MFSD2B: variants seen among roughly 807,000 people sequenced by gnomAD.
MFSD2B encodes sphingosine-1-phosphate transporter MFSD2B.
MFSD2B carries 56 observed loss-of-function variants against 58.4 expected under a neutral mutation model. That is an observed-to-expected ratio of 0.96 (90% CI 0.77 to 1.20). The LOEUF is 1.20. MFSD2B is among the 50% of genes most tolerant of loss of function. The pLI is 0.00. For synonymous variants in MFSD2B, 287 were observed against 294.4 expected, an observed-to-expected ratio of 0.97 and a Z score of 0.26; for missense variants, 645 against 667.6, an observed-to-expected ratio of 0.97 and a Z score of 0.37.
chr2:24,021,513 T>G lies in MFSD2B; in HGVS notation c.682-135T>G. ...GCTGTCCTGTGGGGTGATTGGGAGGTGGGGACCCAGCGTCCTGGGCTTGGG... is the reference window on the plus strand; with the variant it reads ...GCTGTCCTGTGGGGTGATTGGGAGGGGGGGACCCAGCGTCCTGGGCTTGGG... On this transcript the variant is annotated intron_variant, in intron 6 of 13. Transcript: ENST00000338315. The surrounding 1 kb of genome is among the most constrained non-coding windows in gnomAD (Gnocchi z 5.7). 1.4e-6 allele frequency: 1 copy of G among 730,682 alleles called. No homozygotes were observed. 45.3% of individuals were successfully genotyped at this position (730,682 alleles called of 1,614,324 possible). A position where few individuals can be genotyped will look rare whatever the true frequency, so the allele number is the denominator to read the frequency against.
rs1279034581 is a variant in MFSD2B at position 24,017,643 on chromosome 2, C to A, written c.681+55C>A. On this transcript the variant is annotated intron_variant, in intron 6 of 13. Transcript: ENST00000338315. This position sits in a 1 kb window ranked among gnomAD's most constrained non-coding sequence, Gnocchi z 4.8. Reference sequence around the variant, plus strand: ...ACCTGGGGTCCCCTCTGCAGGGTCACCTCCTTCCTCTAGGGCTGGTTCTCC... The same window carrying A: ...ACCTGGGGTCCCCTCTGCAGGGTCAACTCCTTCCTCTAGGGCTGGTTCTCC... The A allele has an allele frequency of 3.3e-6, 5 of 1,495,990 alleles. No individual in the cohort carries two copies. The highest frequency in any genetic ancestry group is 1.4e-5 in the African/African-American group (1 of 71,822). 92.7% of individuals were successfully genotyped at this position (1,495,990 alleles called of 1,614,324 possible).
In MFSD2B at chr2:24,021,883, T is replaced by C. The variant is rs745343369; in HGVS notation, c.807T>C (p.Ser269=). Residue 269 remains serine (S), a synonymous_variant, in exon 8 of 14, where the codon AGT becomes AGC. Transcript: ENST00000338315. This position sits in a 1 kb window ranked among gnomAD's most constrained non-coding sequence, Gnocchi z 5.7. ...CCCCAGCCTCAGGCCCAGGCTTGAG[T>C]TTCCTGGCTGGGCTGAGCCTCACTA... ...PSAPASGPGL[S]FLAGLSLTTR... The C allele has an allele frequency of 1.2e-6, 2 of 1,613,888 alleles. No individual in the cohort carries two copies.
In MFSD2B at chr2:24,012,651, G is replaced by C. The variant is rs1241200583; in HGVS notation, c.97-634G>C. On this transcript the variant is annotated intron_variant, in intron 1 of 13. Coordinates refer to ENST00000338315, the MANE Select transcript of MFSD2B (RefSeq NM_001346880.2). The surrounding 1 kb of genome is among the most constrained non-coding windows in gnomAD (Gnocchi z 4.5). Reference sequence around the variant, plus strand: ...ACTGATAGACAAGAACTGGAAAGAAGAATAGATGACTCCTAAGTTTGTGGC... The same window carrying C: ...ACTGATAGACAAGAACTGGAAAGAACAATAGATGACTCCTAAGTTTGTGGC... Among the ~76,000 whole-genome samples the C allele has an allele frequency of 6.6e-6, 1 of 152,216 alleles. No homozygotes were observed. The highest frequency in any genetic ancestry group is 1.5e-5 in the Non-Finnish European group (1 of 68,044).
At chr2:24,015,982 C>T (rs576604994) in intron 2 of MFSD2B, among the ~76,000 whole-genome samples, 174 bp from the exon 3 acceptor site, 1 of 152,324 alleles carries the variant, frequency 6.6e-6, no homozygotes, top group South Asian at 2.1e-4. Flanking sequence ...CAGCTCCCTC[C>T]CCTGGACTCA....
At chr2:24,025,320 G>T (rs1662943277) in intron 13 of MFSD2B, 112 bp from the exon 14 acceptor site, 9 of 882,800 alleles carry the variant, frequency 1.0e-5, no homozygotes, top group Non-Finnish European at 1.6e-5. Flanking sequence ...AGTTGAAGAG[G>T]AGTTGCTGGG....
rs947333451 is a variant in MFSD2B at position 24,022,180 on chromosome 2, C to T, written c.894+210C>T. Among the ~76,000 whole-genome samples the T allele has an allele frequency of 2.6e-5, 4 of 152,106 alleles. No homozygotes were observed. The highest frequency in any genetic ancestry group is 4.8e-5 in the African/African-American group (2 of 41,418). ...CACTAGGAGGCTGACAATGTCTGGG[C>T]GGTTTCCTCTCACATTACCTGAAGT... On this transcript the variant is annotated intron_variant, in intron 8 of 13. Coordinates refer to ENST00000338315, the MANE Select transcript of MFSD2B (RefSeq NM_001346880.2). This position sits in a 1 kb window ranked among gnomAD's most constrained non-coding sequence, Gnocchi z 4.5.
In MFSD2B at chr2:24,017,369, G is replaced by T; in HGVS notation, c.550+5G>T. ...GGGACTCGGCCACCGCCTACCGTGA[G>T]TGCAGCCGTGGGTTTCGGGTTCCAG... is the stretch of plus-strand genomic sequence containing the variant. On this transcript the variant is annotated splice_donor_5th_base_variant and intron_variant, in intron 5 of 13. Coordinates refer to ENST00000338315, the MANE Select transcript of MFSD2B (RefSeq NM_001346880.2). The surrounding 1 kb of genome is among the most constrained non-coding windows in gnomAD (Gnocchi z 4.8). 3 of 1,603,226 alleles carry T rather than the reference G, an allele frequency of 1.9e-6. No individual in the cohort carries two copies. Among genetic ancestry groups the T allele is most frequent in the Non-Finnish European group, 2.6e-6 (3 of 1,175,622 alleles).
chr2:24,021,015 G>A lies in MFSD2B; in HGVS notation c.682-633G>A. On this transcript the variant is annotated intron_variant, in intron 6 of 13. Transcript: ENST00000338315. This position sits in a 1 kb window ranked among gnomAD's most constrained non-coding sequence, Gnocchi z 5.7. ...CAGTTCAAGTGATTCTCCTGCCTCA[G>A]CCTCCTGAGTAGCTAGGATGACAGG... 6.6e-6 allele frequency among the ~76,000 whole-genome samples: 1 copy of A among 151,960 alleles called. No individual in the cohort carries two copies. Among genetic ancestry groups the A allele is most frequent in the East Asian group, 1.9e-4 (1 of 5,174 alleles).
In MFSD2B at chr2:24,026,410, C is replaced by T. The variant is rs890658035; in HGVS notation, c.*954C>T. 1.3e-5 allele frequency: 2 copies of T among 152,180 alleles called. No homozygotes were observed. Among genetic ancestry groups the T allele is most frequent in the African/African-American group, 4.8e-5 (2 of 41,436 alleles). 9.4% of individuals were successfully genotyped at this position (152,180 alleles called of 1,614,324 possible). ...TTATACATAAGAAGCCCTTTTCAAACAGATCTGAGTTTATGCTAATGATGT... is the reference window on the plus strand; with the variant it reads ...TTATACATAAGAAGCCCTTTTCAAATAGATCTGAGTTTATGCTAATGATGT... On this transcript the variant is annotated 3_prime_UTR_variant, in exon 14 of 14. Transcript: ENST00000338315.
At position 24,022,181 on chromosome 2, in the gene MFSD2B, G is replaced by A. The variant is rs1021519975; in HGVS notation, c.894+211G>A. On this transcript the variant is annotated intron_variant, in intron 8 of 13. Transcript: ENST00000338315. The surrounding 1 kb of genome is among the most constrained non-coding windows in gnomAD (Gnocchi z 4.5). ...ACTAGGAGGCTGACAATGTCTGGGC[G>A]GTTTCCTCTCACATTACCTGAAGTG... Among the ~76,000 whole-genome samples, 1 of 152,258 alleles carries A rather than the reference G, an allele frequency of 6.6e-6. No homozygotes were observed. The highest frequency in any genetic ancestry group is 2.1e-4 in the South Asian group (1 of 4,812).
chr2:24,011,116 A>G (rs1455026107), intron 1 of MFSD2B, among the ~76,000 whole-genome samples: 1 of 152,198 alleles, frequency 6.6e-6, no homozygotes. Context: ...GCCCTGGGTC[A>G]CGCAGCTAGA....
rs951218355 is a variant in MFSD2B, at chr2:24,022,851, G to A, written c.1008G>A (p.Trp336Ter). The change falls in exon 10 of 14, where the codon TGG becomes TGA. Residue 336 changes from tryptophan (W) to a stop codon, truncating the protein, a stop_gained. Transcript: ENST00000338315. LOFTEE classifies it high-confidence loss of function. This position sits in a 1 kb window ranked among gnomAD's most constrained non-coding sequence, Gnocchi z 4.5. ...CAGCCGTGCTGAGCACCCCGCTGTG[G>A]GAGTGGGTTCTCCAGCGCTTTGGGA... ...LVSAVLSTPLWEWVLQRFGKK... is the reference protein window; with the variant it reads ...LVSAVLSTPL The A allele has an allele frequency of 6.2e-7, 1 of 1,610,178 alleles. No individual in the cohort carries two copies. The highest frequency in any genetic ancestry group is 8.5e-7 in the Non-Finnish European group (1 of 1,178,402).
Position 24,023,494 on chromosome 2 carries a change from T to A in MFSD2B, c.1170-89T>A. Reference sequence around the variant, plus strand: ...TGGTCCTGGGCACAGAACTCAGGGATGAATCCACTTTGGCCTCCGTCCCCA... The same window carrying A: ...TGGTCCTGGGCACAGAACTCAGGGAAGAATCCACTTTGGCCTCCGTCCCCA... On this transcript the variant is annotated intron_variant, in intron 11 of 13. Coordinates refer to ENST00000338315, the MANE Select transcript of MFSD2B (RefSeq NM_001346880.2). The surrounding 1 kb of genome is among the most constrained non-coding windows in gnomAD (Gnocchi z 5.0). 6.9e-7 allele frequency: 1 copy of A among 1,454,754 alleles called. No homozygotes were observed. The highest frequency in any genetic ancestry group is 1.3e-5 in the South Asian group (1 of 76,200). 90.1% of individuals were successfully genotyped at this position (1,454,754 alleles called of 1,614,324 possible). A position where few individuals can be genotyped will look rare whatever the true frequency, so the allele number is the denominator to read the frequency against.
Position 24,013,944 on chromosome 2 carries a change from C to T in MFSD2B, c.222+534C>T, listed in dbSNP as rs1435930791. On this transcript the variant is annotated intron_variant, in intron 2 of 13. Transcript: ENST00000338315. ...GCAACCTCTGCCTCCCAGGTTCAAG[C>T]GATTCTCATGCCTCAGCCTCCCGAG... 2.0e-5 allele frequency among the ~76,000 whole-genome samples: 3 copies of T among 147,832 alleles called. No individual in the cohort carries two copies. The Admixed American group carries it at 2.1e-4, about 10-fold the overall frequency.
At position 24,025,466 on chromosome 2, in the gene MFSD2B, G is replaced by A. The variant is rs776407959; in HGVS notation, c.*10G>A. 4 of 1,535,974 alleles carry A rather than the reference G, an allele frequency of 2.6e-6. No homozygotes were observed. The Admixed American group carries it at 5.9e-5, about 23-fold the overall frequency. ...CTACAGCCTGGCCTAAAGCTTAGGA[G>A]GGCGACTGTGAATGGACACAGGAGC... On this transcript the variant is annotated 3_prime_UTR_variant, in exon 14 of 14. Transcript: ENST00000338315.
chr2:24,010,338 C>G (rs1029066472), intron 1 of MFSD2B, 146 bp downstream of exon 1: 4 of 581,372 alleles, frequency 6.9e-6, no homozygotes, highest in Non-Finnish European at 7.9e-6. Context: ...CGGGGTTACA[C>G]GGCTGGGAGC....
In MFSD2B at chr2:24,025,391, C is replaced by T. The variant is rs745397310; in HGVS notation, c.1491-41C>T. ...TCTGCGGCAGGACAGAGGGCCCACA[C>T]CACTTCCATCCTTCTCCTTGGCTTC... is the stretch of plus-strand genomic sequence containing the variant. On this transcript the variant is annotated intron_variant, in intron 13 of 13. Transcript: ENST00000338315. The T allele has an allele frequency of 1.6e-5, 25 of 1,533,536 alleles. No individual in the cohort carries two copies. In the South Asian group the frequency reaches 3.0e-4, roughly 18 times the overall value. The allele number at this position is 1,533,536 out of a possible 1,614,324, so 95.0% of individuals were successfully genotyped here. A position where few individuals can be genotyped will look rare whatever the true frequency, so the allele number is the denominator to read the frequency against.
Position 24,023,271 on chromosome 2 carries a change from C to A in MFSD2B, c.1169+32C>A. ...TGGGTGTGGGGGCCTCACGTGTGTCCACAGTGGGTGTCACCTCCTTCATGT... is the reference window on the plus strand; with the variant it reads ...TGGGTGTGGGGGCCTCACGTGTGTCAACAGTGGGTGTCACCTCCTTCATGT... On this transcript the variant is annotated intron_variant, in intron 11 of 13. Coordinates refer to ENST00000338315, the MANE Select transcript of MFSD2B (RefSeq NM_001346880.2). The surrounding 1 kb of genome is among the most constrained non-coding windows in gnomAD (Gnocchi z 5.0). 6.5e-7 allele frequency: 1 copy of A among 1,544,354 alleles called. No homozygotes were observed. Among genetic ancestry groups the A allele is most frequent in the South Asian group, 1.1e-5 (1 of 89,650 alleles).
chr2:24,011,690 T>C (rs1440501452), intron 1 of MFSD2B, among the ~76,000 whole-genome samples: 1 of 152,214 alleles, frequency 6.6e-6, no homozygotes, highest in African/African-American at 2.4e-5. Flanking sequence ...GGATATATAC[T>C]AAGCACCTAC....
Sources: allele counts gnomAD v4.1 joint callset (sites outside exome capture counted in the v4.1 genomes callset), GRCh38; gene constraint gnomAD v4.1.1; non-coding constraint Gnocchi (gnomAD v3.1); transcripts MANE v1.5; gene names NCBI Gene and HGNC (gene_info 2026-07-23, HGNC 2026-07-21).